Variants in TTC39B observed in about 807,000 individuals in gnomAD.
TTC39B encodes tetratricopeptide repeat protein 39B.
A neutral mutation model predicts 96.6 loss-of-function variants in TTC39B; 92 were observed. That is an observed-to-expected ratio of 0.95 (90% CI 0.80 to 1.13). The LOEUF (loss-of-function observed/expected upper bound fraction) is 1.13, where lower values mean the gene tolerates loss of function less well. TTC39B is among the 50% of genes most tolerant of loss of function. TTC39B has a pLI of 0.00. For missense variants in TTC39B, 955 were observed against 809.3 expected, an observed-to-expected ratio of 1.18 and a Z score of -2.18; for synonymous variants, 367 against 299.4, an observed-to-expected ratio of 1.23 and a Z score of -2.33.
At chr9:15,222,727 A>G (rs536618189) in intron 3 of TTC39B, among the ~76,000 whole-genome samples, 1 of 152,340 alleles carries the variant, frequency 6.6e-6, no homozygotes, top group South Asian at 2.1e-4. Context: ...TGAACTACAA[A>G]GAAGTCTATG....
At chr9:15,253,169 G>C (rs1464825263) in intron 2 of TTC39B, among the ~76,000 whole-genome samples, 1 of 152,120 alleles carries the variant, frequency 6.6e-6, no homozygotes, top group Admixed American at 6.5e-5. Context: ...CCTATGAATG[G>C]TACCTTATAT....
chr9:15,267,851 T>C (rs1224839296), intron 2 of TTC39B, 63 bp downstream of exon 2: 1 of 1,452,210 alleles, frequency 6.9e-7, no homozygotes, highest in East Asian at 2.3e-5. Flanking sequence ...AAATATTTAC[T>C]TTTTATGTAA....
At chr9:15,222,978 G>A (rs1820929953) in intron 3 of TTC39B, among the ~76,000 whole-genome samples, 1 of 152,192 alleles carries the variant, frequency 6.6e-6, no homozygotes, top group Admixed American at 6.5e-5. Flanking sequence ...TCTGGCCAGG[G>A]TGCAGAGTCT....
chr9:15,306,415 G>A lies in TTC39B; in HGVS notation c.240+669C>T, dbSNP rs80226667. ...GGAGGCCGGAGTCGGTTCTCAAAGT[G>A]GTTTCCCTCCGGCCACCACCGACTC... On this transcript the variant is annotated intron_variant, in intron 1 of 19. Coordinates refer to ENST00000512701, the Ensembl canonical transcript of TTC39B. This position sits in a 1 kb window ranked among gnomAD's most constrained non-coding sequence, Gnocchi z 5.1. Among the ~76,000 whole-genome samples, 605 of 152,200 alleles carry A rather than the reference G, an allele frequency of 4.0e-3. 5 individuals carry two copies. The highest frequency in any genetic ancestry group is 0.014 in the African/African-American group (591 of 41,520).
Position 15,210,110 on chromosome 9 carries a change from T to C in TTC39B, c.669A>G (p.Gly223=), listed in dbSNP as rs779310988. ...TACCTTCACTCAGTTGCTCCAGGGA[T>C]CCTCTAGAAAGAAGACTTGAGAAAG... Residue 223 remains glycine (G), a synonymous_variant, in exon 6 of 20, where the codon GGA becomes GGG. Coordinates refer to ENST00000512701, the Ensembl canonical transcript of TTC39B. The C allele has an allele frequency of 3.1e-6, 5 of 1,607,582 alleles. No individual in the cohort carries two copies. The South Asian group carries it at 3.4e-5, about 11-fold the overall frequency.
chr9:15,218,407 G>A (rs943582334), intron 3 of TTC39B, among the ~76,000 whole-genome samples: 2 of 152,056 alleles, frequency 1.3e-5, no homozygotes, highest in Admixed American at 1.3e-4. Flanking sequence ...AAAGGCAATG[G>A]TTGTTATGAG....
intron 3 of TTC39B, among the ~76,000 whole-genome samples, chr9:15,215,378 T>A (rs1391703780): frequency 6.6e-6 from 1 of 151,614 alleles, no homozygotes; most frequent in Non-Finnish European, 1.5e-5. Context: ...ACCAACATGG[T>A]GAAACCCCGT....
chr9:15,260,624 A>G (rs755921279), intron 2 of TTC39B, among the ~76,000 whole-genome samples: 35 of 81,880 alleles, frequency 4.3e-4, no homozygotes, highest in African/African-American at 1.7e-3. Context: ...TAATGAGGGG[A>G]AAAAAAAAAT....
exon 20 of TTC39B, chr9:15,167,014 ATATATATATATATATTT>A (rs1817538368): frequency 1.5e-4 from 1 of 6,568 alleles, no homozygotes; most frequent in African/African-American, 7.9e-4. Flanking sequence ...ATATATATAT[ATATATATATATATATTT>A]TTTTTTTTTT....
intron 3 of TTC39B, among the ~76,000 whole-genome samples, chr9:15,215,566 T>A (rs923395801): frequency 4.4e-5 from 6 of 136,340 alleles, no homozygotes; most frequent in Non-Finnish European, 6.3e-5. Context: ...TCAAAAAAAA[T>A]AAATAAATGA....
At chr9:15,239,304 T>C (rs1821929609) in intron 2 of TTC39B, among the ~76,000 whole-genome samples, 1 of 152,224 alleles carries the variant, frequency 6.6e-6, no homozygotes, top group Non-Finnish European at 1.5e-5. Context: ...GGAACACTTG[T>C]ACACTGTTGG....
chr9:15,188,212 C>T, intron 13 of TTC39B, 80 bp from the exon 14 acceptor site: 2 of 1,432,488 alleles, frequency 1.4e-6, no homozygotes, highest in South Asian at 2.9e-5. Context: ...ACATAAAACA[C>T]TTAGTACAAA....
chr9:15,216,802 G>T lies in TTC39B; in HGVS notation c.372-2553C>A, dbSNP rs140117382. 9.8e-5 allele frequency among the ~76,000 whole-genome samples: 15 copies of T among 152,304 alleles called. 1 individual carries two copies. The East Asian group carries it at 2.9e-3, about 29-fold the overall frequency. On this transcript the variant is annotated intron_variant, in intron 3 of 19. Coordinates refer to ENST00000512701, the Ensembl canonical transcript of TTC39B. ...GTTCTGGCGATACAGCAATGAACAA[G>T]ACACACAGGAACCCAGGCTCTCAAA...
At chr9:15,280,969 G>A (rs1823739604) in intron 1 of TTC39B, among the ~76,000 whole-genome samples, 1 of 151,906 alleles carries the variant, frequency 6.6e-6, no homozygotes, top group Admixed American at 6.6e-5. Context: ...TGAAAACAAT[G>A]CAATTATCCC....
At chr9:15,285,653 G>C (rs906983426) in intron 1 of TTC39B, among the ~76,000 whole-genome samples, 5 of 152,176 alleles carry the variant, frequency 3.3e-5, no homozygotes, top group Non-Finnish European at 7.4e-5. Flanking sequence ...AGGAGATGGA[G>C]ACCATCCTGG....
chr9:15,223,486 A>G (rs556715260), intron 3 of TTC39B, among the ~76,000 whole-genome samples: 2 of 152,306 alleles, frequency 1.3e-5, no homozygotes, highest in South Asian at 4.1e-4. Flanking sequence ...TGTGTTAAGA[A>G]GCAAATAGCT....
At chr9:15,179,236 G>A (rs967743057) in intron 17 of TTC39B, among the ~76,000 whole-genome samples, 4 of 152,098 alleles carry the variant, frequency 2.6e-5, no homozygotes, top group East Asian at 3.9e-4. Context: ...AAGACAGAAC[G>A]ACAATTTACA....
At chr9:15,304,223 C>A (rs1171943279) in intron 1 of TTC39B, among the ~76,000 whole-genome samples, 2 of 152,204 alleles carry the variant, frequency 1.3e-5, no homozygotes, top group East Asian at 3.8e-4. Flanking sequence ...CCACAGCCAT[C>A]TCTACGTTAT....
At chr9:15,203,453 G>A (rs1239598826) in intron 7 of TTC39B, among the ~76,000 whole-genome samples, 1 of 151,268 alleles carries the variant, frequency 6.6e-6, no homozygotes, top group Non-Finnish European at 1.5e-5. Context: ...TAGAGACAGG[G>A]TTTCACCATG....
Sources: allele counts gnomAD v4.1 joint callset (sites outside exome capture counted in the v4.1 genomes callset), GRCh38; gene constraint gnomAD v4.1.1; non-coding constraint Gnocchi (gnomAD v3.1); transcripts MANE v1.5; gene names NCBI Gene and HGNC (gene_info 2026-07-23, HGNC 2026-07-21).